Variants in CLTCL1 observed in about 807,000 individuals in gnomAD.
The protein encoded by CLTCL1 is clathrin heavy chain like 1, also known as clathrin heavy chain 2.
Under a neutral mutation model 190.0 loss-of-function variants are expected in CLTCL1, and 159 were observed. The observed-to-expected ratio is 0.84, with a 90% CI of 0.74 to 0.95. CLTCL1 has a LOEUF of 0.95. Ranked by LOEUF, CLTCL1 falls within the 40% of genes least tolerant of loss-of-function variation. The probability of loss-of-function intolerance (pLI) is 0.00; values close to 1 mark genes in which losing one functional copy is unlikely to be tolerated. For missense variants in CLTCL1, 1,878 were observed against 2,033.4 expected (o/e 0.92, Z 1.47); for synonymous variants, 752 against 769.6 (o/e 0.98, Z 0.38).
At chr22:19,234,326 G>A (rs1318035961) in intron 7 of CLTCL1, among the ~76,000 whole-genome samples, 183 bp downstream of exon 7, 1 of 152,218 alleles carries the variant, frequency 6.6e-6, no homozygotes, top group African/African-American at 2.4e-5. Context: ...GATGCAGCAA[G>A]AGTGTGTTTT....
chr22:19,226,800 C>T (rs1191349030), intron 11 of CLTCL1, among the ~76,000 whole-genome samples: 1 of 152,014 alleles, frequency 6.6e-6, no homozygotes, highest in African/African-American at 2.4e-5. Flanking sequence ...TGCAGTGGCA[C>T]AATCTCAGCT....
intron 19 of CLTCL1, among the ~76,000 whole-genome samples, chr22:19,211,506 C>T (rs1429779571): frequency 6.6e-6 from 1 of 152,094 alleles, no homozygotes; most frequent in Non-Finnish European, 1.5e-5. Context: ...CGGTGTCTCA[C>T]GCCTGTAATC....
intron 1 of CLTCL1, among the ~76,000 whole-genome samples, chr22:19,282,376 G>A (rs1275326143): frequency 6.7e-5 from 10 of 150,208 alleles, no homozygotes; most frequent in Middle Eastern, 3.5e-3. Flanking sequence ...AGTGGGTCAC[G>A]CTTGTAATCC....
intron 2 of CLTCL1, among the ~76,000 whole-genome samples, chr22:19,274,304 A>AT (rs1555982052): frequency 6.6e-6 from 1 of 152,118 alleles, no homozygotes; most frequent in African/African-American, 2.4e-5. Context: ...CTCTACAAAT[A>AT]TTTTTTTAAG....
chr22:19,269,950 A>T (rs1404074001), intron 2 of CLTCL1, among the ~76,000 whole-genome samples: 2 of 151,950 alleles, frequency 1.3e-5, no homozygotes, highest in African/African-American at 4.8e-5. Context: ...GTAAAATTAA[A>T]AAAAAAAAAA....
intron 2 of CLTCL1, among the ~76,000 whole-genome samples, chr22:19,273,552 C>G (rs531545666): frequency 6.6e-6 from 1 of 152,180 alleles, no homozygotes; most frequent in South Asian, 2.1e-4. Flanking sequence ...TCTGAGACCA[C>G]GATCAAGTGA....
intron 1 of CLTCL1, among the ~76,000 whole-genome samples, chr22:19,279,086 G>A (rs919545062): frequency 2.0e-5 from 3 of 151,856 alleles, no homozygotes; most frequent in South Asian, 2.1e-4. Context: ...GAAAAATCCT[G>A]AAAAATAGAA....
At position 19,222,055 on chromosome 22, in the gene CLTCL1, CA is replaced by C. The variant is rs1555952864; in HGVS notation, c.2456del (p.Leu819ArgfsTer10). 6.8e-6 allele frequency: 11 copies of C among 1,614,028 alleles called. No individual in the cohort carries two copies. The highest frequency in any genetic ancestry group is 9.3e-6 in the Non-Finnish European group (11 of 1,179,890). The stretch of plus-strand genomic sequence containing the variant: ...CTTCCTCAGAACAATCCACATCAAG[CA>C]GCCCTCCAATCACAGCTGGGGTCCG... ...PSRTPAVIGG[L>X]LDVDCSEEVI... On this transcript the variant is annotated frameshift_variant, in exon 16 of 33. Transcript: ENST00000427926. LOFTEE classifies it high-confidence loss of function.
intron 16 of CLTCL1, 131 bp from the exon 17 acceptor site, chr22:19,221,742 G>C: frequency 1.0e-6 from 1 of 969,810 alleles, no homozygotes; most frequent in South Asian, 1.7e-5. Context: ...TTGCTCTAGG[G>C]ACCAAGATGG....
intron 2 of CLTCL1, among the ~76,000 whole-genome samples, chr22:19,269,490 T>C (rs1257179722): frequency 1.3e-5 from 2 of 152,146 alleles, no homozygotes; most frequent in African/African-American, 2.4e-5. Context: ...CATGCACACA[T>C]ATGTTTATTG....
rs782771389 is a variant in CLTCL1, at chr22:19,208,911, G to A, written c.3442+11C>T. On this transcript the variant is annotated intron_variant, in intron 21 of 32. Transcript: ENST00000427926. ...GAGATGCAGAGCCCTAGGGAGAGGG[G>A]ACTCACTTACTGCTCCTGCTGGCTG... 3.2e-5 allele frequency: 51 copies of A among 1,594,196 alleles called. No homozygotes were observed. In the Admixed American group the frequency reaches 8.3e-4, roughly 26 times the overall value.
chr22:19,233,181 C>T lies in CLTCL1; in HGVS notation c.1506G>A (p.Val502=). ...FAETGQFQKI[V]LYAKKVGYTP... is the part of the protein sequence containing the mutation. ...CACACGTTACCTTTTTGGCATAGAGCACAATTTTCTGGAATTGGCCTGTTT... is the reference window on the plus strand; with the variant it reads ...CACACGTTACCTTTTTGGCATAGAGTACAATTTTCTGGAATTGGCCTGTTT... The change falls in exon 9 of 33, where the codon GTG becomes GTA. Residue 502 remains valine, a synonymous_variant. Coordinates refer to ENST00000427926, the MANE Select transcript of CLTCL1 (RefSeq NM_007098.4). 6.2e-7 allele frequency: 1 copy of T among 1,613,426 alleles called. No homozygotes were observed. The highest frequency in any genetic ancestry group is 8.5e-7 in the Non-Finnish European group (1 of 1,179,482).
At chr22:19,189,081 T>C (rs552782104) in intron 27 of CLTCL1, among the ~76,000 whole-genome samples, 1 of 152,270 alleles carries the variant, frequency 6.6e-6, no homozygotes, top group East Asian at 1.9e-4. Context: ...ATTTTTGTAT[T>C]TTTAGTAGAG....
chr22:19,287,441 C>A (rs947779588), intron 1 of CLTCL1, among the ~76,000 whole-genome samples: 1 of 152,084 alleles, frequency 6.6e-6, no homozygotes, highest in East Asian at 1.9e-4. Flanking sequence ...ACAAAGGGAG[C>A]GGCAGCAGAG....
At chr22:19,225,256 C>A (rs2145802547) in intron 13 of CLTCL1, among the ~76,000 whole-genome samples, 197 bp downstream of exon 13, 1 of 152,300 alleles carries the variant, frequency 6.6e-6, no homozygotes, top group South Asian at 2.1e-4. Flanking sequence ...TTTGGAAATA[C>A]CAAAAAGGTT....
In CLTCL1 at chr22:19,291,590, C is replaced by T. The variant is rs2088128299; in HGVS notation, c.42+10G>A. The T allele has an allele frequency of 7.2e-7, 1 of 1,383,646 alleles. No homozygotes were observed. The highest frequency in any genetic ancestry group is 1.5e-5 in the African/African-American group (1 of 66,522). The allele number at this position is 1,383,646 out of a possible 1,614,324, so 85.7% of individuals were successfully genotyped here. On this transcript the variant is annotated intron_variant, in intron 1 of 32. Transcript: ENST00000427926. The stretch of plus-strand genomic sequence containing the variant: ...CTGACAGGGCAGCCCCCCAGCCCGC[C>T]GGGCCTCACCTGGAAGTGCTCCTGA...
chr22:19,239,268 T>C lies in CLTCL1; in HGVS notation c.795+7A>G, dbSNP rs1266085767. On this transcript the variant is annotated splice_region_variant and intron_variant, in intron 5 of 32. Coordinates refer to ENST00000427926, the MANE Select transcript of CLTCL1 (RefSeq NM_007098.4). ...ATGAAGATGTTTAGAGAGCAGCACA[T>C]TCGTACCTGCATAGCCACTGGAAAA... 4 of 1,589,548 alleles carry C rather than the reference T, an allele frequency of 2.5e-6. No homozygotes were observed. Among genetic ancestry groups the C allele is most frequent in the Non-Finnish European group, 2.6e-6 (3 of 1,157,726 alleles).
At chr22:19,282,360 G>A (rs371427307) in intron 1 of CLTCL1, among the ~76,000 whole-genome samples, 7 of 149,198 alleles carry the variant, frequency 4.7e-5, no homozygotes, top group South Asian at 2.1e-4. Flanking sequence ...CAATGGGTTC[G>A]GGCGCAGTGG....
chr22:19,243,219 G>A (rs1465372035), intron 3 of CLTCL1, among the ~76,000 whole-genome samples: 1 of 152,114 alleles, frequency 6.6e-6, no homozygotes, highest in Non-Finnish European at 1.5e-5. Flanking sequence ...AAAGTAACTC[G>A]TGCACTTTGG....
Sources: gnomAD v4.1 joint callset for allele counts (sites outside exome capture counted in the v4.1 genomes callset) on GRCh38, gnomAD v4.1.1 for gene constraint, MANE v1.5 for transcripts, NCBI Gene and HGNC (gene_info 2026-07-23, HGNC 2026-07-21) for gene names.